GIP: variants seen among roughly 807,000 people sequenced by gnomAD.
GIP encodes glucose-dependent insulinotropic polypeptide.
Under a neutral mutation model 18.1 loss-of-function variants are expected in GIP, and 16 were observed. The ratio of observed to expected loss-of-function variants is 0.88; its 90% CI spans 0.60 to 1.34. The LOEUF (loss-of-function observed/expected upper bound fraction) is 1.34, where lower values mean the gene tolerates loss of function less well. Among genes scored for constraint, GIP ranks in the 40% most tolerant of loss-of-function variants. GIP has a pLI of 0.00. For missense variants in GIP, 192 were observed against 183.4 expected, an observed-to-expected ratio of 1.05 and a Z score of -0.27; for synonymous variants, 76 against 74.0, an observed-to-expected ratio of 1.03 and a Z score of -0.14.
intron 5 of GIP, among the ~76,000 whole-genome samples, chr17:48,958,988 G>A (rs1276398860): frequency 6.6e-6 from 1 of 151,550 alleles, no homozygotes; most frequent in Non-Finnish European, 1.5e-5. Flanking sequence ...CCGAGTAGCT[G>A]GGACTACAGG....
At chr17:48,967,045 C>G in intron 2 of GIP, 102 bp downstream of exon 2, 2 of 863,914 alleles carry the variant, frequency 2.3e-6, no homozygotes, top group South Asian at 2.8e-5. Flanking sequence ...TACCTCTTAG[C>G]CTGGATTCCT....
chr17:48,960,949 C>T lies in GIP; in HGVS notation c.389G>A (p.Arg130Gln), dbSNP rs148732781. ...AKNPSDEDLL[R>Q]DLLIQELLAC... ...CAACAGCTCTTGAATCAGCAAGTCC[C>T]GCAGCAAATCTTCATCGCTGGGGTT... The change falls in exon 5 of 6, where the codon CGG (arginine) becomes CAG (glutamine). Residue 130 changes from arginine (R) to glutamine (Q), a missense_variant. Physicochemically the swap from Arg to Gln is conservative, Grantham distance 43. Transcript: ENST00000357424. 67 of 1,609,908 alleles carry T rather than the reference C, an allele frequency of 4.2e-5. No individual in the cohort carries two copies. The Middle Eastern group carries it at 5.0e-4, about 12-fold the overall frequency.
intron 5 of GIP, among the ~76,000 whole-genome samples, chr17:48,959,542 G>A (rs11079846): frequency 3.9e-5 from 6 of 152,006 alleles, no homozygotes; most frequent in Non-Finnish European, 7.3e-5. Flanking sequence ...GTGGACAGGT[G>A]TCTTCATAAT....
chr17:48,958,856 C>CA, intron 5 of GIP, 140 bp from the exon 6 acceptor site: 1 of 426,440 alleles, frequency 2.3e-6, no homozygotes, highest in Non-Finnish European at 4.2e-6. Flanking sequence ...TATCAATTTA[C>CA]TTTTTTTTTT....
intron 2 of GIP, among the ~76,000 whole-genome samples, chr17:48,965,355 A>T (rs972315154): frequency 6.7e-6 from 1 of 149,802 alleles, no homozygotes; most frequent in Non-Finnish European, 1.5e-5. Flanking sequence ...CTGTAATCCC[A>T]GCACTCTGGG....
Position 48,960,915 on chromosome 17 carries a change from C to T in GIP, c.423G>A (p.Leu141=). 1 of 1,606,636 alleles carries T rather than the reference C, an allele frequency of 6.2e-7. No individual in the cohort carries two copies. Among genetic ancestry groups the T allele is most frequent in the Non-Finnish European group, 8.5e-7 (1 of 1,176,588 alleles). The change falls in exon 5 of 6, where the codon TTG becomes TTA. Residue 141 remains leucine (L), a synonymous_variant. Coordinates refer to ENST00000357424, the MANE Select transcript of GIP (RefSeq NM_004123.3). ...GCCTGCAGAGGTTTGTCTGATCCAG[C>T]AAGCAGGCCAACAGCTCTTGAATCA... ...DLLIQELLAC[L]LDQTNLCRLR...
At position 48,964,329 on chromosome 17, in the gene GIP, G is replaced by T; in HGVS notation, c.238C>A (p.Gln80Lys). 1 of 1,613,638 alleles carries T rather than the reference G, an allele frequency of 6.2e-7. No homozygotes were observed. The highest frequency in any genetic ancestry group is 8.5e-7 in the Non-Finnish European group (1 of 1,179,660). ...ACTCACTCATTCTTCTTCCCCTTTT[G>T]GGCCAGCAGCCAGTTCACAAAGTCT... ...QQDFVNWLLA[Q>K]KGKKNDWKHN... The change falls in exon 3 of 6, where the codon CAA becomes AAA. Residue 80 changes from glutamine (Q) to lysine (K), a missense_variant. Coordinates refer to ENST00000357424, the MANE Select transcript of GIP (RefSeq NM_004123.3).
rs771330447 is a variant in GIP at position 48,958,718 on chromosome 17, T to C, written c.453-2A>G. 1.9e-6 allele frequency: 3 copies of C among 1,578,538 alleles called. No homozygotes were observed. The Admixed American group carries it at 5.5e-5, about 29-fold the overall frequency. On this transcript the variant is annotated splice_acceptor_variant, in intron 5 of 5. Transcript: ENST00000357424. LOFTEE classifies it high-confidence loss of function. ...GGGTGTGGTCAGAGTCACCGAGACC[T>C]GGGGAGAGTGGGGAAAGGAGAAGAA...
chr17:48,961,541 GC>G (rs2041200436), intron 4 of GIP, among the ~76,000 whole-genome samples, 185 bp downstream of exon 4: 1 of 152,092 alleles, frequency 6.6e-6, no homozygotes, highest in South Asian at 2.1e-4. Flanking sequence ...TTTCTCCAAG[GC>G]TTCTTCCTTA....
At chr17:48,961,146 CTT>C (rs1412723859) in intron 4 of GIP, among the ~76,000 whole-genome samples, 159 bp from the exon 5 acceptor site, 1 of 152,178 alleles carries the variant, frequency 6.6e-6, no homozygotes, top group Non-Finnish European at 1.5e-5. Flanking sequence ...CTGGAGCCTC[CTT>C]TCTGCCAGCC....
At chr17:48,965,767 G>A (rs992395810) in intron 2 of GIP, among the ~76,000 whole-genome samples, 4 of 152,076 alleles carry the variant, frequency 2.6e-5, no homozygotes, top group Non-Finnish European at 5.9e-5. Context: ...GAAGCACTGT[G>A]TAAGCCCTTG....
In GIP at chr17:48,960,952, AG is replaced by A; in HGVS notation, c.385del (p.Leu129CysfsTer5). ...CAGCTCTTGAATCAGCAAGTCCCGC[AG>A]CAAATCTTCATCGCTGGGGTTCTTG... ...PAKNPSDEDL[L>X]RDLLIQELLA... On this transcript the variant is annotated frameshift_variant, in exon 5 of 6. Coordinates refer to ENST00000357424, the MANE Select transcript of GIP (RefSeq NM_004123.3). LOFTEE classifies it high-confidence loss of function. The A allele has an allele frequency of 6.2e-7, 1 of 1,610,322 alleles. No individual in the cohort carries two copies. Among genetic ancestry groups the A allele is most frequent in the Non-Finnish European group, 8.5e-7 (1 of 1,178,592 alleles).
chr17:48,968,237 C>T (rs1163259486), intron 1 of GIP, among the ~76,000 whole-genome samples: 1 of 152,014 alleles, frequency 6.6e-6, no homozygotes, highest in South Asian at 2.1e-4. Flanking sequence ...GAACCGCAGG[C>T]ATGTACCACC....
At position 48,967,243 on chromosome 17, in the gene GIP, T is replaced by C; in HGVS notation, c.-11A>G. The C allele has an allele frequency of 6.2e-7, 1 of 1,612,468 alleles. No individual in the cohort carries two copies. The highest frequency in any genetic ancestry group is 1.1e-5 in the South Asian group (1 of 91,042). On this transcript the variant is annotated 5_prime_UTR_variant, in exon 2 of 6. It adds an upstream start codon to the 5' untranslated region. Transcript: ENST00000357424. ...CTTCGTGGCCACCATCTTCCAAGGT[T>C]ATTTCCTGAGCTAAGACAGAAAAAA...
chr17:48,966,271 A>C (rs988859743), intron 2 of GIP, among the ~76,000 whole-genome samples: 1 of 146,592 alleles, frequency 6.8e-6, no homozygotes, highest in East Asian at 2.0e-4. Context: ...AAAAAAAAAA[A>C]GGGCCAGGCA....
At chr17:48,961,346 T>C (rs1467830177) in intron 4 of GIP, among the ~76,000 whole-genome samples, 1 of 151,908 alleles carries the variant, frequency 6.6e-6, no homozygotes, top group African/African-American at 2.4e-5. Flanking sequence ...TTCAGGGGAG[T>C]GGGCCTGGGA....
Position 48,961,827 on chromosome 17 carries a change from G to A in GIP, c.258-8C>T, listed in dbSNP as rs1441636989. Reference sequence around the variant, plus strand: ...GTGATGTTGTGTTTCCAGCTGGGAAGATAAAGATTAGAGAGTGGGCAAGCT... The same window carrying A: ...GTGATGTTGTGTTTCCAGCTGGGAAAATAAAGATTAGAGAGTGGGCAAGCT... On this transcript the variant is annotated splice_region_variant and splice_polypyrimidine_tract_variant and intron_variant, in intron 3 of 5. Coordinates refer to ENST00000357424, the MANE Select transcript of GIP (RefSeq NM_004123.3). 3.7e-6 allele frequency: 6 copies of A among 1,606,336 alleles called. No individual in the cohort carries two copies. The highest frequency in any genetic ancestry group is 5.1e-6 in the Non-Finnish European group (6 of 1,174,892).
At chr17:48,966,054 T>A (rs1272122140) in intron 2 of GIP, among the ~76,000 whole-genome samples, 1 of 151,774 alleles carries the variant, frequency 6.6e-6, no homozygotes, top group Non-Finnish European at 1.5e-5. Flanking sequence ...GGTCAGGAGT[T>A]CAAGACCAGC....
At position 48,966,560 on chromosome 17, in the gene GIP, C is replaced by A. The variant is rs141006127; in HGVS notation, c.86+587G>T. ...TGACAGAGCGAGACTCCATCCCCCC[C>A]CAAAAAAAAAGAAAAAGAAAAGAAT... On this transcript the variant is annotated intron_variant, in intron 2 of 5. Coordinates refer to ENST00000357424, the MANE Select transcript of GIP (RefSeq NM_004123.3). Among the ~76,000 whole-genome samples the A allele has an allele frequency of 5.4e-3, 808 of 150,412 alleles. 9 individuals carry two copies. Among genetic ancestry groups the A allele is most frequent in the African/African-American group, 0.019 (784 of 41,006 alleles).
Sources: allele counts gnomAD v4.1 joint callset (sites outside exome capture counted in the v4.1 genomes callset), GRCh38; gene constraint gnomAD v4.1.1; transcripts MANE v1.5; gene names NCBI Gene and HGNC (gene_info 2026-07-23, HGNC 2026-07-21).